Variants in NPC1L1 observed in about 807,000 individuals in gnomAD.
NPC1L1 encodes the protein NPC1 like intracellular cholesterol transporter 1.
A neutral mutation model predicts 117.0 loss-of-function variants in NPC1L1; 98 were observed. The observed-to-expected ratio is 0.84, with a 90% confidence interval of 0.71 to 0.99. NPC1L1 has a LOEUF of 0.99. Ranked by LOEUF, NPC1L1 falls within the 50% of genes least tolerant of loss-of-function variation. NPC1L1 has a pLI of 0.00. For missense variants in NPC1L1, 1,540 were observed against 1,710.0 expected (o/e 0.90, Z 1.75); for synonymous variants, 729 against 727.6 (o/e 1.00, Z -0.03).
At chr7:44,523,867 TAATA>T (rs1801432771) in intron 10 of NPC1L1, among the ~76,000 whole-genome samples, 1 of 152,168 alleles carries the variant, frequency 6.6e-6, no homozygotes, top group Admixed American at 6.6e-5. Context: ...ACCCTGTCTC[TAATA>T]AATAAATAAA....
At position 44,538,322 on chromosome 7, in the gene NPC1L1, C is replaced by A. The variant is rs925828090; in HGVS notation, c.1580+495G>T. On this transcript the variant is annotated intron_variant, in intron 2 of 18. Coordinates refer to ENST00000381160, the MANE Select transcript of NPC1L1 (RefSeq NM_001101648.2). This position sits in a 1 kb window ranked among gnomAD's most constrained non-coding sequence, Gnocchi z 5.9. ...TAGAAGTGTGTGTGGCTGTGGCCTA[C>A]CCCAGGACACCCGGCCCAGGTGCCT... is the stretch of plus-strand genomic sequence containing the variant. Among the ~76,000 whole-genome samples, 1 of 152,244 alleles carries A rather than the reference C, an allele frequency of 6.6e-6. No individual in the cohort carries two copies. The highest frequency in any genetic ancestry group is 1.5e-5 in the Non-Finnish European group (1 of 68,040).
At chr7:44,520,510 G>T (rs1323696153) in intron 14 of NPC1L1, among the ~76,000 whole-genome samples, 1 of 152,120 alleles carries the variant, frequency 6.6e-6, no homozygotes, top group African/African-American at 2.4e-5. Context: ...CCAGGGTGTG[G>T]AGAACTCCCA....
intron 8 of NPC1L1, among the ~76,000 whole-genome samples, chr7:44,532,674 A>G (rs1801742650): frequency 6.6e-6 from 1 of 152,100 alleles, no homozygotes; most frequent in African/African-American, 2.4e-5. Context: ...TCTTACTAAC[A>G]TTTTCTTTTT....
At position 44,536,511 on chromosome 7, in the gene NPC1L1, T is replaced by G; in HGVS notation, c.1682-83A>C. 1 of 1,338,260 alleles carries G rather than the reference T, an allele frequency of 7.5e-7. No individual in the cohort carries two copies. The highest frequency in any genetic ancestry group is 1.0e-6 in the Non-Finnish European group (1 of 990,968). The allele number at this position is 1,338,260 out of a possible 1,614,324, so 82.9% of individuals were successfully genotyped here. On this transcript the variant is annotated intron_variant, in intron 3 of 18. Coordinates refer to ENST00000381160, the MANE Select transcript of NPC1L1 (RefSeq NM_001101648.2). This position sits in a 1 kb window ranked among gnomAD's most constrained non-coding sequence, Gnocchi z 4.7. ...GCTGCACCCCTATATTCCCTCCCCC[T>G]ATCTAGCTGCACCCCTCCCATCACC...
chr7:44,534,368 CCA>C lies in NPC1L1; in HGVS notation c.2166+77_2166+78del, dbSNP rs1170769965. The C allele has an allele frequency of 1.4e-5, 20 of 1,449,232 alleles. No homozygotes were observed. The highest frequency in any genetic ancestry group is 1.8e-5 in the Non-Finnish European group (19 of 1,030,030). The allele number at this position is 1,449,232 out of a possible 1,614,324, so 89.8% of individuals were successfully genotyped here. ...TGCAGGGAGACCCAGCAAATTCACG[CCA>C]GAGTCCCATCAGGCCAGGAGGTGAG... On this transcript the variant is annotated intron_variant, in intron 6 of 18. Coordinates refer to ENST00000381160, the MANE Select transcript of NPC1L1 (RefSeq NM_001101648.2). The surrounding 1 kb of genome is among the most constrained non-coding windows in gnomAD (Gnocchi z 5.2).
intron 18 of NPC1L1, 25 bp downstream of exon 18, chr7:44,515,778 G>T: frequency 6.2e-7 from 1 of 1,613,910 alleles, no homozygotes; most frequent in South Asian, 1.1e-5. Context: ...ATGACAGTCT[G>T]GTAGGAACAG....
At chr7:44,517,449 C>T (rs1479114054) in intron 14 of NPC1L1, 92 bp from the exon 15 acceptor site, 3 of 1,492,550 alleles carry the variant, frequency 2.0e-6, no homozygotes, top group Middle Eastern at 2.0e-4. Flanking sequence ...GTGGCACAGG[C>T]ATGTGATCAA....
chr7:44,538,723 G>T lies in NPC1L1; in HGVS notation c.1580+94C>A. ...GGAATAGCTACCTCTGGTCCTTCAG[G>T]ACCAGCTGTATGCCCGGCCAGGTTC... is the stretch of plus-strand genomic sequence containing the variant. On this transcript the variant is annotated intron_variant, in intron 2 of 18. Coordinates refer to ENST00000381160, the MANE Select transcript of NPC1L1 (RefSeq NM_001101648.2). This position sits in a 1 kb window ranked among gnomAD's most constrained non-coding sequence, Gnocchi z 5.9. 7.8e-7 allele frequency: 1 copy of T among 1,275,938 alleles called. No individual in the cohort carries two copies. Among genetic ancestry groups the T allele is most frequent in the Non-Finnish European group, 1.1e-6 (1 of 879,746 alleles). 79.0% of individuals were successfully genotyped at this position (1,275,938 alleles called of 1,614,324 possible). A position where few individuals can be genotyped will look rare whatever the true frequency, so the allele number is the denominator to read the frequency against.
At position 44,516,950 on chromosome 7, in the gene NPC1L1, G is replaced by A; in HGVS notation, c.3288-16C>T. ...ATTGGTGATCCTGCCAGAGCACAGA[G>A]CATGGTCACAGGCTCAGGCCTCTGG... On this transcript the variant is annotated splice_polypyrimidine_tract_variant and intron_variant, in intron 15 of 18. Transcript: ENST00000381160. 1.9e-6 allele frequency: 3 copies of A among 1,607,914 alleles called. No homozygotes were observed. Among genetic ancestry groups the A allele is most frequent in the Non-Finnish European group, 2.5e-6 (3 of 1,176,694 alleles).
At chr7:44,521,185 C>G (rs1801343165) in intron 12 of NPC1L1, 67 bp from the exon 13 acceptor site, 1 of 1,607,690 alleles carries the variant, frequency 6.2e-7, no homozygotes, top group Admixed American at 1.7e-5. Flanking sequence ...TGTGCCCCTC[C>G]TTCCCCAACA....
intron 10 of NPC1L1, 65 bp from the exon 11 acceptor site, chr7:44,522,307 G>A: frequency 6.9e-7 from 1 of 1,455,330 alleles, no homozygotes; most frequent in Non-Finnish European, 9.4e-7. Flanking sequence ...GCTCAATCCA[G>A]CTCACACTCT....
At position 44,516,684 on chromosome 7, in the gene NPC1L1, C is replaced by T; in HGVS notation, c.3519+19G>A. ...CCACCCCTCCAGAGGCCCCCTGGTG[C>T]CTGTGTCTGCTGGGTTACCGAGACC... On this transcript the variant is annotated intron_variant, in intron 16 of 18. Transcript: ENST00000381160. 6.3e-7 allele frequency: 1 copy of T among 1,590,486 alleles called. No individual in the cohort carries two copies. The highest frequency in any genetic ancestry group is 8.6e-7 in the Non-Finnish European group (1 of 1,164,958).
At chr7:44,531,017 G>C (rs147793595) in intron 10 of NPC1L1, among the ~76,000 whole-genome samples, 3 of 152,270 alleles carry the variant, frequency 2.0e-5, no homozygotes, top group Admixed American at 6.5e-5. Context: ...CCTAGACATC[G>C]AGTCCCCTCG....
At position 44,513,287 on chromosome 7, in the gene NPC1L1, G is replaced by T. The variant is rs923074982; in HGVS notation, c.*160C>A. ...AGAGGAGCCATCAGTGGTGCTGCCTGGATACCTCAAGAGCAGGCCATCCTC... is the reference window on the plus strand; with the variant it reads ...AGAGGAGCCATCAGTGGTGCTGCCTTGATACCTCAAGAGCAGGCCATCCTC... On this transcript the variant is annotated 3_prime_UTR_variant, in exon 19 of 19. Transcript: ENST00000381160. 61 of 716,860 alleles carry T rather than the reference G, an allele frequency of 8.5e-5. No homozygotes were observed. Among genetic ancestry groups the T allele is most frequent in the Middle Eastern group, 3.6e-4 (1 of 2,746 alleles). 44.4% of individuals were successfully genotyped at this position (716,860 alleles called of 1,614,324 possible).
At chr7:44,540,535 T>C (rs935223608) in intron 1 of NPC1L1, among the ~76,000 whole-genome samples, 193 bp from the exon 2 acceptor site, 4 of 152,020 alleles carry the variant, frequency 2.6e-5, no homozygotes, top group African/African-American at 7.2e-5. Context: ...CTGGCCTTTC[T>C]TCCTGGGGGT....
In NPC1L1 at chr7:44,517,330, G is replaced by A; in HGVS notation, c.3164C>T (p.Pro1055Leu). 6.2e-7 allele frequency: 1 copy of A among 1,613,566 alleles called. No individual in the cohort carries two copies. Among genetic ancestry groups the A allele is most frequent in the Non-Finnish European group, 8.5e-7 (1 of 1,180,042 alleles). The change falls in exon 15 of 19, where the codon CCC (proline) becomes CTC (leucine). Residue 1055 changes from proline to leucine, a missense_variant. Physicochemically the swap from Pro to Leu is moderately conservative, Grantham distance 98 (BLOSUM62 -3). Transcript: ENST00000381160. ...LASRFMAYHK[P>L]LKNSQDYTEA... ...TGTGTAATCCTGTGAGTTTTTCAGG[G>A]GCTTGTGATAGGCCATGAACCTGGA...
intron 10 of NPC1L1, among the ~76,000 whole-genome samples, chr7:44,530,116 T>C (rs1407874003): frequency 1.3e-5 from 2 of 149,912 alleles, no homozygotes; most frequent in East Asian, 4.0e-4. Flanking sequence ...GGCTGGTGGA[T>C]CACCTGAGGT....
At position 44,539,818 on chromosome 7, in the gene NPC1L1, G is replaced by A; in HGVS notation, c.579C>T (p.Gly193=). Residue 193 remains glycine, a synonymous_variant, in exon 2 of 19, where the codon GGC becomes GGT. Coordinates refer to ENST00000381160, the MANE Select transcript of NPC1L1 (RefSeq NM_001101648.2). The surrounding 1 kb of genome is among the most constrained non-coding windows in gnomAD (Gnocchi z 4.4). ...LAVGTMCGVY[G]SALCNAQRWL... ...AGCGCTGGGCATTGCAAAGGGCAGA[G>A]CCATACACGCCACACATGGTGCCCA... 1 of 1,614,140 alleles carries A rather than the reference G, an allele frequency of 6.2e-7. No homozygotes were observed.
chr7:44,539,824 C>T lies in NPC1L1; in HGVS notation c.573G>A (p.Val191=). The T allele has an allele frequency of 1.2e-6, 2 of 1,614,148 alleles. No individual in the cohort carries two copies. The highest frequency in any genetic ancestry group is 1.7e-6 in the Non-Finnish European group (2 of 1,180,042). Residue 191 remains valine, a synonymous_variant, in exon 2 of 19, where the codon GTG becomes GTA. Coordinates refer to ENST00000381160, the MANE Select transcript of NPC1L1 (RefSeq NM_001101648.2). This position sits in a 1 kb window ranked among gnomAD's most constrained non-coding sequence, Gnocchi z 4.4. ...GGGCATTGCAAAGGGCAGAGCCATACACGCCACACATGGTGCCCACAGCCA... is the reference window on the plus strand; with the variant it reads ...GGGCATTGCAAAGGGCAGAGCCATATACGCCACACATGGTGCCCACAGCCA... The part of the protein sequence containing the change: ...ATLAVGTMCG[V]YGSALCNAQR...
Sources: allele counts gnomAD v4.1 joint callset (sites outside exome capture counted in the v4.1 genomes callset), GRCh38; gene constraint gnomAD v4.1.1; non-coding constraint Gnocchi (gnomAD v3.1); transcripts MANE v1.5; gene names NCBI Gene and HGNC (gene_info 2026-07-23, HGNC 2026-07-21).